PTPRD: variants seen among roughly 807,000 people sequenced by gnomAD.
PTPRD encodes the protein protein tyrosine phosphatase receptor type D.
PTPRD carries 34 observed loss-of-function variants against 214.5 expected under a neutral mutation model. The observed-to-expected ratio is 0.16, with a 90% CI of 0.12 to 0.21. PTPRD has a LOEUF of 0.21. Ranked by LOEUF, PTPRD falls within the 10% of genes least tolerant of loss-of-function variation. The probability of loss-of-function intolerance (pLI) is 1.00; values close to 1 mark genes in which losing one functional copy is unlikely to be tolerated. For synonymous variants in PTPRD, 1,128 were observed against 845.7 expected (o/e 1.33, Z -5.79); for missense variants, 2,545 against 2,398.7 (o/e 1.06, Z -1.27).
intron 9 of PTPRD, among the ~76,000 whole-genome samples, chr9:9,235,818 T>C (rs780384386): frequency 1.2e-4 from 18 of 152,202 alleles, no homozygotes; most frequent in Non-Finnish European, 1.9e-4. Context: ...AAATCATTTG[T>C]ATAAATTTGC....
chr9:10,401,721 A>G (rs2098272846), intron 2 of PTPRD, among the ~76,000 whole-genome samples: 1 of 150,396 alleles, frequency 6.6e-6, no homozygotes, highest in Admixed American at 6.7e-5. Context: ...AAAAATAATT[A>G]TCATCTAGAA....
At chr9:9,329,364 G>C (rs1231617307) in intron 9 of PTPRD, among the ~76,000 whole-genome samples, 1 of 152,072 alleles carries the variant, frequency 6.6e-6, no homozygotes, top group Non-Finnish European at 1.5e-5. Flanking sequence ...ATAACTAAGA[G>C]ATGAGTTTTC....
chr9:9,405,305 T>C (rs1407619450), intron 8 of PTPRD, among the ~76,000 whole-genome samples: 5 of 152,022 alleles, frequency 3.3e-5, no homozygotes, highest in Non-Finnish European at 5.9e-5. Context: ...ACATGGAAAA[T>C]TGCAATGGCT....
chr9:8,696,929 C>G (rs1449568793), intron 12 of PTPRD, among the ~76,000 whole-genome samples: 3 of 152,058 alleles, frequency 2.0e-5, no homozygotes, highest in African/African-American at 7.3e-5. Flanking sequence ...GAGATGATAC[C>G]TTGAACTTTC....
At chr9:8,821,040 T>G (rs2097049859) in intron 11 of PTPRD, among the ~76,000 whole-genome samples, 2 of 152,176 alleles carry the variant, frequency 1.3e-5, no homozygotes, top group Non-Finnish European at 2.9e-5. Context: ...CTTTCCCAGC[T>G]AGGGTTGGCT....
chr9:9,160,506 G>A (rs909053865), intron 10 of PTPRD, among the ~76,000 whole-genome samples: 3 of 152,118 alleles, frequency 2.0e-5, no homozygotes, highest in African/African-American at 4.8e-5. Flanking sequence ...CTGTTAGAAT[G>A]GCTTCTATGA....
At chr9:10,598,535 C>A (rs1053782774) in intron 2 of PTPRD, among the ~76,000 whole-genome samples, 4 of 151,728 alleles carry the variant, frequency 2.6e-5, no homozygotes, top group African/African-American at 9.7e-5. Flanking sequence ...GCACAGAAAG[C>A]TGGACTGGAC....
chr9:9,075,253 G>A (rs1389607697), intron 10 of PTPRD, among the ~76,000 whole-genome samples: 1 of 151,976 alleles, frequency 6.6e-6, no homozygotes, highest in Non-Finnish European at 1.5e-5. Context: ...CAGGGTAAAT[G>A]GGTATATCCC....
chr9:9,694,473 T>G (rs2097333603), intron 7 of PTPRD, among the ~76,000 whole-genome samples: 1 of 152,074 alleles, frequency 6.6e-6, no homozygotes, highest in Non-Finnish European at 1.5e-5. Flanking sequence ...AGCTCCTTTG[T>G]GGCCACCACC....
chr9:8,903,565 T>C (rs1054384880), intron 11 of PTPRD, among the ~76,000 whole-genome samples: 6 of 152,214 alleles, frequency 3.9e-5, no homozygotes, highest in Non-Finnish European at 8.8e-5. Flanking sequence ...AGGATGAATG[T>C]TGTTGCACTG....
At chr9:9,188,874 C>G (rs935888140) in intron 9 of PTPRD, among the ~76,000 whole-genome samples, 2 of 150,988 alleles carry the variant, frequency 1.3e-5, no homozygotes, top group African/African-American at 4.9e-5. Context: ...AATCTTTTTA[C>G]AAGCAAATAA....
chr9:8,628,797 A>AG (rs1237125357), intron 14 of PTPRD, among the ~76,000 whole-genome samples: 1 of 151,880 alleles, frequency 6.6e-6, no homozygotes, highest in Non-Finnish European at 1.5e-5. Context: ...ATGTAAGAGT[A>AG]GGTACACATA....
At chr9:9,153,504 G>C (rs2099878609) in intron 10 of PTPRD, among the ~76,000 whole-genome samples, 2 of 152,254 alleles carry the variant, frequency 1.3e-5, no homozygotes, top group Middle Eastern at 3.4e-3. Flanking sequence ...TTTATAAAAT[G>C]TGAGAGGTCA....
chr9:8,787,064 G>A (rs900588180), intron 11 of PTPRD, among the ~76,000 whole-genome samples: 1 of 151,870 alleles, frequency 6.6e-6, no homozygotes, highest in African/African-American at 2.4e-5. Context: ...TCGAACTCCT[G>A]GGCTCAAGCA....
chr9:9,890,024 A>C (rs114234394), intron 5 of PTPRD, among the ~76,000 whole-genome samples: 2,296 of 152,162 alleles, frequency 0.015, 53 homozygotes, highest in African/African-American at 0.053. Flanking sequence ...CCACCCTCCC[A>C]AAGAGGCATG....
intron 9 of PTPRD, among the ~76,000 whole-genome samples, chr9:9,243,620 G>C (rs1202786789): frequency 6.6e-6 from 1 of 152,096 alleles, no homozygotes; most frequent in African/African-American, 2.4e-5. Flanking sequence ...CAATAAACTA[G>C]GTATTGATGG....
At chr9:9,567,184 C>T (rs895908349) in intron 8 of PTPRD, among the ~76,000 whole-genome samples, 3 of 151,970 alleles carry the variant, frequency 2.0e-5, no homozygotes, top group South Asian at 2.1e-4. Flanking sequence ...AATAGCAGTA[C>T]CTTTTCTGTC....
intron 3 of PTPRD, among the ~76,000 whole-genome samples, chr9:10,244,024 G>C (rs1052362209): frequency 9.6e-6 from 1 of 104,372 alleles, no homozygotes. Context: ...TCACAGGTTT[G>C]GGAGGATTAA....
At chr9:9,863,827 T>C (rs951551551) in intron 5 of PTPRD, among the ~76,000 whole-genome samples, 3 of 144,984 alleles carry the variant, frequency 2.1e-5, no homozygotes, top group African/African-American at 8.1e-5. Flanking sequence ...CCAACCTACA[T>C]GCAGGACGGA....
Sources: gnomAD v4.1 joint callset for allele counts (sites outside exome capture counted in the v4.1 genomes callset) on GRCh38, gnomAD v4.1.1 for gene constraint, MANE v1.5 for transcripts, NCBI Gene and HGNC (gene_info 2026-07-23, HGNC 2026-07-21) for gene names.